SPIDR: variants seen among roughly 807,000 people sequenced by gnomAD.
SPIDR encodes scaffold protein involved in DNA repair.
SPIDR carries 93 observed loss-of-function variants against 104.6 expected under a neutral mutation model. The observed-to-expected ratio is 0.89, with a 90% CI of 0.75 to 1.06. The LOEUF (loss-of-function observed/expected upper bound fraction) is 1.06. Among genes scored for constraint, SPIDR ranks in the 50% least tolerant of loss-of-function variants. The pLI, the probability that SPIDR is intolerant of heterozygous loss-of-function variation, is 0.00. For missense variants in SPIDR, 1,154 were observed against 1,111.2 expected, an observed-to-expected ratio of 1.04 and a Z score of -0.55; for synonymous variants, 431 against 416.9, an observed-to-expected ratio of 1.03 and a Z score of -0.41.
At chr8:47,706,254 G>A (rs986442999) in intron 14 of SPIDR, among the ~76,000 whole-genome samples, 1 of 152,124 alleles carries the variant, frequency 6.6e-6, no homozygotes, top group Admixed American at 6.5e-5. Flanking sequence ...TTAGCCGGGC[G>A]TGGTGGCAGG....
At chr8:47,293,163 C>G (rs1207270184) in intron 4 of SPIDR, among the ~76,000 whole-genome samples, 1 of 152,052 alleles carries the variant, frequency 6.6e-6, no homozygotes, top group Non-Finnish European at 1.5e-5. Flanking sequence ...TGAGGTCATG[C>G]TCTGTCACCC....
chr8:47,317,761 C>T (rs1192315313), intron 5 of SPIDR, among the ~76,000 whole-genome samples: 1 of 152,102 alleles, frequency 6.6e-6, no homozygotes, highest in Non-Finnish European at 1.5e-5. Flanking sequence ...TCCAGAGGAA[C>T]AATCAGGCAG....
At chr8:47,625,002 A>G (rs1416995499) in intron 10 of SPIDR, among the ~76,000 whole-genome samples, 1 of 152,224 alleles carries the variant, frequency 6.6e-6, no homozygotes, top group African/African-American at 2.4e-5. Context: ...AATACTGGCA[A>G]ATCGAATCCA....
At chr8:47,599,262 T>C in intron 10 of SPIDR, 66 bp downstream of exon 10, 1 of 1,576,620 alleles carries the variant, frequency 6.3e-7, no homozygotes, top group South Asian at 1.1e-5. Context: ...CTCTAGAAAG[T>C]GGAGCCTCTT....
At chr8:47,261,091 G>C (rs569202771) in intron 1 of SPIDR, 100 bp downstream of exon 1, 2 of 1,188,392 alleles carry the variant, frequency 1.7e-6, no homozygotes, top group Non-Finnish European at 2.1e-6. Flanking sequence ...GGTGAGAGAG[G>C]GTGGGCGTTG....
intron 7 of SPIDR, among the ~76,000 whole-genome samples, chr8:47,434,425 T>C (rs1329524110): frequency 1.3e-5 from 2 of 152,146 alleles, no homozygotes; most frequent in Non-Finnish European, 2.9e-5. Flanking sequence ...TACTAGAACA[T>C]ATGTTTTAGA....
At chr8:47,516,937 A>G (rs141511993) in intron 8 of SPIDR, among the ~76,000 whole-genome samples, 1 of 152,120 alleles carries the variant, frequency 6.6e-6, no homozygotes, top group Non-Finnish European at 1.5e-5. Flanking sequence ...AACACTTGTT[A>G]TTTTCTTTTT....
At chr8:47,569,246 A>G (rs1174298401) in intron 8 of SPIDR, among the ~76,000 whole-genome samples, 1 of 152,152 alleles carries the variant, frequency 6.6e-6, no homozygotes, top group Non-Finnish European at 1.5e-5. Context: ...ACACCTAACA[A>G]AGGTGCCCCA....
chr8:47,291,398 A>T (rs1477299341), intron 4 of SPIDR, among the ~76,000 whole-genome samples: 2 of 152,224 alleles, frequency 1.3e-5, no homozygotes, highest in Non-Finnish European at 2.9e-5. Context: ...AGTACATTGC[A>T]GGTGTACAGT....
intron 8 of SPIDR, among the ~76,000 whole-genome samples, chr8:47,506,287 T>C (rs2081469124): frequency 6.6e-6 from 1 of 152,162 alleles, no homozygotes; most frequent in South Asian, 2.1e-4. Flanking sequence ...AAACCCCCCT[T>C]ACATTTCCAA....
At chr8:47,491,584 G>A (rs1249882875) in intron 8 of SPIDR, among the ~76,000 whole-genome samples, 4 of 151,988 alleles carry the variant, frequency 2.6e-5, no homozygotes, top group African/African-American at 4.8e-5. Context: ...CCAAACCTAC[G>A]TGCAGAGATC....
At chr8:47,503,060 T>A (rs1384176774) in intron 8 of SPIDR, among the ~76,000 whole-genome samples, 1 of 152,240 alleles carries the variant, frequency 6.6e-6, no homozygotes, top group Non-Finnish European at 1.5e-5. Flanking sequence ...CTTCCAACTA[T>A]GTGGTCAGTT....
chr8:47,622,507 T>G (rs1177789311), intron 10 of SPIDR, among the ~76,000 whole-genome samples: 1 of 152,156 alleles, frequency 6.6e-6, no homozygotes, highest in Non-Finnish European at 1.5e-5. Flanking sequence ...CCTTTGGTGC[T>G]CTGCCTCACC....
At chr8:47,704,763 T>G (rs2080832688) in intron 14 of SPIDR, among the ~76,000 whole-genome samples, 1 of 152,194 alleles carries the variant, frequency 6.6e-6, no homozygotes, top group Non-Finnish European at 1.5e-5. Context: ...GGAGAATGAT[T>G]GGCATGAGTC....
chr8:47,729,346 G>A, intron 18 of SPIDR, 66 bp from the exon 19 acceptor site: 1 of 1,541,990 alleles, frequency 6.5e-7, no homozygotes, highest in East Asian at 2.4e-5. Context: ...TCGGGAATGA[G>A]TGATTTAACT....
At chr8:47,645,915 T>G (rs1162481221) in intron 10 of SPIDR, among the ~76,000 whole-genome samples, 1 of 152,200 alleles carries the variant, frequency 6.6e-6, no homozygotes, top group Non-Finnish European at 1.5e-5. Context: ...GGGAGAAGTA[T>G]CTTGAGGTGG....
intron 10 of SPIDR, among the ~76,000 whole-genome samples, chr8:47,627,997 C>T (rs1358964442): frequency 3.3e-5 from 5 of 152,166 alleles, no homozygotes; most frequent in Non-Finnish European, 7.3e-5. Context: ...ACTCATGATA[C>T]CACTGACTGT....
chr8:47,482,406 C>G (rs891838140), intron 8 of SPIDR, among the ~76,000 whole-genome samples: 1 of 152,102 alleles, frequency 6.6e-6, no homozygotes, highest in Non-Finnish European at 1.5e-5. Flanking sequence ...TGCATTCCAG[C>G]CTGGGCTACA....
intron 10 of SPIDR, among the ~76,000 whole-genome samples, chr8:47,644,413 G>T (rs562892556): frequency 1.3e-5 from 2 of 152,144 alleles, no homozygotes; most frequent in Admixed American, 1.3e-4. Flanking sequence ...TGACGTAATC[G>T]TGTTACCTTC....
Sources: allele counts gnomAD v4.1 joint callset (sites outside exome capture counted in the v4.1 genomes callset), GRCh38; gene constraint gnomAD v4.1.1; transcripts MANE v1.5; gene names NCBI Gene and HGNC (gene_info 2026-07-23, HGNC 2026-07-21).